Variants in PTK2 observed in about 807,000 individuals in gnomAD.
PTK2 encodes protein tyrosine kinase 2.
PTK2 carries 45 observed loss-of-function variants against 150.1 expected under a neutral mutation model. The ratio of observed to expected loss-of-function variants is 0.30; its 90% CI spans 0.24 to 0.38. PTK2 has a LOEUF of 0.38. PTK2 is among the 10% of genes least tolerant of loss of function. The pLI is 1.00. For synonymous variants in PTK2, 432 were observed against 449.2 expected (o/e 0.96, Z 0.48); for missense variants, 919 against 1,307.3 (o/e 0.70, Z 4.58).
At chr8:140,876,099 C>G (rs921288134) in intron 4 of PTK2, among the ~76,000 whole-genome samples, 1 of 151,954 alleles carries the variant, frequency 6.6e-6, no homozygotes, top group Non-Finnish European at 1.5e-5. Flanking sequence ...ACTTTGTTCC[C>G]TTTCTGCTTA....
In PTK2 at chr8:140,664,912, C is replaced by T. The variant is rs765685955; in HGVS notation, c.2946+5G>A. 2.4e-5 allele frequency: 39 copies of T among 1,612,694 alleles called. No individual in the cohort carries two copies. The highest frequency in any genetic ancestry group is 1.8e-5 in the Non-Finnish European group (21 of 1,179,652). The stretch of plus-strand genomic sequence containing the variant: ...GAGGGCTGCAAGGGGAAGATTGTGC[C>T]CTACCTCTCGGTGGGTGCTGGCTGG... On this transcript the variant is annotated splice_donor_5th_base_variant and intron_variant, in intron 31 of 31. Transcript: ENST00000522684.
chr8:140,871,020 A>T (rs771602683), intron 4 of PTK2, among the ~76,000 whole-genome samples: 2 of 152,146 alleles, frequency 1.3e-5, no homozygotes, highest in African/African-American at 2.4e-5. Flanking sequence ...CATACAACAT[A>T]TACAAAAGCT....
At chr8:140,658,301 A>T in exon 32 of PTK2, 1 of 168,800 alleles carries the variant, frequency 5.9e-6, no homozygotes, top group Non-Finnish European at 1.3e-5. Context: ...AGGCTTCCTG[A>T]TAATTATTGG....
At chr8:140,866,065 A>G (rs1308886189) in intron 4 of PTK2, among the ~76,000 whole-genome samples, 1 of 152,204 alleles carries the variant, frequency 6.6e-6, no homozygotes, top group Non-Finnish European at 1.5e-5. Flanking sequence ...CTGAGATTAC[A>G]GGCGTGTGAG....
intron 22 of PTK2, among the ~76,000 whole-genome samples, chr8:140,726,589 G>A (rs2100045969): frequency 6.6e-6 from 1 of 151,920 alleles, no homozygotes; most frequent in African/African-American, 2.4e-5. Flanking sequence ...GCAGAAGACA[G>A]TAAAAGAACA....
intron 2 of PTK2, among the ~76,000 whole-genome samples, chr8:140,911,968 C>T (rs917991447): frequency 2.6e-5 from 4 of 152,270 alleles, no homozygotes; most frequent in Non-Finnish European, 2.9e-5. Context: ...CGCGGTGACT[C>T]ATGCCTATAA....
intron 1 of PTK2, among the ~76,000 whole-genome samples, chr8:140,933,622 T>C (rs921185): frequency 0.21 from 32,714 of 152,162 alleles, 4,260 homozygotes; most frequent in East Asian, 0.55. Context: ...CTTGAAAACA[T>C]TATGCCAAGT....
At chr8:140,690,529 A>G (rs1451975896) in intron 26 of PTK2, among the ~76,000 whole-genome samples, 1 of 152,230 alleles carries the variant, frequency 6.6e-6, no homozygotes, top group East Asian at 1.9e-4. Context: ...TGTATACCTC[A>G]TTTGTCAATA....
At chr8:140,809,990 GA>G (rs2100100482) in intron 10 of PTK2, among the ~76,000 whole-genome samples, 1 of 152,194 alleles carries the variant, frequency 6.6e-6, no homozygotes, top group African/African-American at 2.4e-5. Context: ...ATGGATGAAG[GA>G]AAGACACAGA....
chr8:140,821,450 T>C (rs939748769), intron 8 of PTK2: 1 of 152,146 alleles, frequency 6.6e-6, no homozygotes, highest in Admixed American at 6.6e-5. Flanking sequence ...CCAGGAAAAG[T>C]AGAGTTTTAG....
At chr8:140,699,225 G>C (rs1417526483) in intron 26 of PTK2, among the ~76,000 whole-genome samples, 1 of 152,116 alleles carries the variant, frequency 6.6e-6, no homozygotes, top group Admixed American at 6.5e-5. Context: ...CAAAGCATGA[G>C]AGACCAGGTA....
In PTK2 at chr8:140,846,586, G is replaced by C; in HGVS notation, c.530+13C>G. The C allele has an allele frequency of 6.3e-7, 1 of 1,579,024 alleles. No homozygotes were observed. Among genetic ancestry groups the C allele is most frequent in the Non-Finnish European group, 8.7e-7 (1 of 1,149,768 alleles). On this transcript the variant is annotated intron_variant, in intron 6 of 31. Coordinates refer to ENST00000522684, the Ensembl canonical transcript of PTK2. ...TGATAAATAAAGGCCGCAATGTATA[G>C]TTATCATCTTACCGTATTTCTAGAC... is the stretch of plus-strand genomic sequence containing the variant.
intron 29 of PTK2, chr8:140,670,374 T>C (rs2094815833): frequency 6.7e-6 from 1 of 150,360 alleles, no homozygotes; most frequent in Non-Finnish European, 1.5e-5. Context: ...GGAGAGTCAT[T>C]TGAACCTCGG....
chr8:140,845,736 G>GA (rs1042987482), intron 7 of PTK2, among the ~76,000 whole-genome samples: 1 of 152,144 alleles, frequency 6.6e-6, no homozygotes, highest in Non-Finnish European at 1.5e-5. Flanking sequence ...AATTAATTAT[G>GA]AAAAAGATGA....
intron 27 of PTK2, among the ~76,000 whole-genome samples, chr8:140,676,878 T>C (rs1244037987): frequency 7.0e-6 from 1 of 143,736 alleles, no homozygotes; most frequent in Admixed American, 7.2e-5. Context: ...GGGGCGGAAA[T>C]TGCAGTGAGC....
At chr8:140,964,814 C>T (rs752972633) in intron 1 of PTK2, among the ~76,000 whole-genome samples, 6 of 152,110 alleles carry the variant, frequency 3.9e-5, no homozygotes, top group Non-Finnish European at 8.8e-5. Context: ...GCTATACATT[C>T]CTGGCATCAT....
intron 1 of PTK2, among the ~76,000 whole-genome samples, chr8:140,946,776 A>G (rs1339665757): frequency 1.3e-5 from 2 of 152,102 alleles, no homozygotes; most frequent in East Asian, 3.9e-4. Flanking sequence ...TTTGCTTATT[A>G]TTTTTTTATT....
At chr8:140,905,394 A>G (rs1379397415) in intron 2 of PTK2, among the ~76,000 whole-genome samples, 1 of 152,212 alleles carries the variant, frequency 6.6e-6, no homozygotes, top group Non-Finnish European at 1.5e-5. Flanking sequence ...CTGATAAAAC[A>G]GACTTTAAAC....
At chr8:140,845,578 A>G (rs578222376) in intron 7 of PTK2, among the ~76,000 whole-genome samples, 1 of 152,272 alleles carries the variant, frequency 6.6e-6, no homozygotes, top group Admixed American at 6.5e-5. Context: ...CTTCCACTTT[A>G]GTTTCTAGCA....
Sources: allele counts gnomAD v4.1 joint callset (sites outside exome capture counted in the v4.1 genomes callset), GRCh38; gene constraint gnomAD v4.1.1; transcripts MANE v1.5; gene names NCBI Gene and HGNC (gene_info 2026-07-23, HGNC 2026-07-21).